Variants in ASTN2 observed in about 807,000 individuals in gnomAD.
The protein encoded by ASTN2 is astrotactin-2.
ASTN2 carries 54 observed loss-of-function variants against 139.8 expected under a neutral mutation model. That is an observed-to-expected ratio of 0.39 (90% CI 0.31 to 0.48). The LOEUF is 0.48. Ranked by LOEUF, ASTN2 falls within the 20% of genes least tolerant of loss-of-function variation. The pLI, the probability that ASTN2 is intolerant of heterozygous loss-of-function variation, is 0.95. For synonymous variants in ASTN2, 756 were observed against 719.5 expected, an observed-to-expected ratio of 1.05 and a Z score of -0.81; for missense variants, 1,565 against 1,725.1, an observed-to-expected ratio of 0.91 and a Z score of 1.64.
chr9:116,680,750 A>C (rs559021578), intron 16 of ASTN2, among the ~76,000 whole-genome samples: 10 of 152,252 alleles, frequency 6.6e-5, no homozygotes, highest in Admixed American at 5.9e-4. Flanking sequence ...AATCCAGCAT[A>C]TAAACAGAAC....
intron 1 of ASTN2, among the ~76,000 whole-genome samples, chr9:117,357,703 A>C (rs1197704927): frequency 6.6e-6 from 1 of 152,146 alleles, no homozygotes; most frequent in Non-Finnish European, 1.5e-5. Context: ...TTGAGTTAAG[A>C]ATGTTATATC....
At chr9:117,033,752 C>A (rs1214690303) in intron 6 of ASTN2, among the ~76,000 whole-genome samples, 1 of 151,986 alleles carries the variant, frequency 6.6e-6, no homozygotes, top group Non-Finnish European at 1.5e-5. Flanking sequence ...GTTTTCATAC[C>A]ACGTCATCTA....
intron 7 of ASTN2, among the ~76,000 whole-genome samples, chr9:116,986,265 T>C (rs1393542234): frequency 6.7e-6 from 1 of 150,260 alleles, no homozygotes; most frequent in Non-Finnish European, 1.5e-5. Flanking sequence ...AGTTCCTCCT[T>C]TTCTCCTCCC....
intron 21 of ASTN2, 86 bp from the exon 22 acceptor site, chr9:116,440,878 GTGGTGAGAAAGTT>G: frequency 7.3e-7 from 1 of 1,376,120 alleles, no homozygotes; most frequent in South Asian, 1.4e-5. Flanking sequence ...GAAAGGCACA[GTGGTGAGAAAGTT>G]TGCTTGCATA....
chr9:117,032,113 A>C (rs1297610132), intron 6 of ASTN2, among the ~76,000 whole-genome samples: 1 of 152,186 alleles, frequency 6.6e-6, no homozygotes, highest in Non-Finnish European at 1.5e-5. Flanking sequence ...TGAAGTCATT[A>C]GAAAGGCACA....
rs564842522 is a variant in ASTN2, at chr9:116,467,835, G to A, written c.3497+19524C>T. On this transcript the variant is annotated intron_variant, in intron 20 of 22. Transcript: ENST00000313400. ...AAATATTCAAGAAATGGTAGGGTAG[G>A]TAGTTGTTATCATTAGCAGGACTGT... Among the ~76,000 whole-genome samples, 26 of 152,320 alleles carry A rather than the reference G, an allele frequency of 1.7e-4. No homozygotes were observed. The South Asian group carries it at 4.6e-3, about 27-fold the overall frequency.
chr9:116,933,990 T>TTTTTTTTTTTTTTTTTTTTTTTTTG (rs1834992444), intron 10 of ASTN2, among the ~76,000 whole-genome samples: 1 of 140,674 alleles, frequency 7.1e-6, no homozygotes, highest in East Asian at 2.2e-4. Flanking sequence ...TTTTTTTTTT[T>TTTTTTTTTTTTTTTTTTTTTTTTTG]TTTTTTTTTT....
chr9:117,323,315 G>T (rs1828396587), intron 1 of ASTN2, among the ~76,000 whole-genome samples: 2 of 151,526 alleles, frequency 1.3e-5, no homozygotes, highest in African/African-American at 4.9e-5. Flanking sequence ...AATATAAACT[G>T]GCATTCCAGG....
chr9:117,301,718 T>A (rs1834879876), intron 1 of ASTN2, among the ~76,000 whole-genome samples: 1 of 152,204 alleles, frequency 6.6e-6, no homozygotes, highest in Non-Finnish European at 1.5e-5. Flanking sequence ...ATCCATTTCA[T>A]CATAGTAAAG....
At chr9:116,661,812 A>C (rs1415698928) in intron 16 of ASTN2, among the ~76,000 whole-genome samples, 1 of 152,170 alleles carries the variant, frequency 6.6e-6, no homozygotes, top group East Asian at 1.9e-4. Flanking sequence ...GAATTGAACA[A>C]TGAGAACACT....
chr9:116,677,550 T>C (rs1308284469), intron 16 of ASTN2, among the ~76,000 whole-genome samples: 1 of 152,150 alleles, frequency 6.6e-6, no homozygotes, highest in South Asian at 2.1e-4. Context: ...TTTGCACACT[T>C]GGATCAGAGA....
At position 117,413,963 on chromosome 9, in the gene ASTN2, G is replaced by A. The variant is rs374177484; in HGVS notation, c.442+534C>T. On this transcript the variant is annotated intron_variant, in intron 1 of 22. Transcript: ENST00000313400. ...GAAGCGACTTGGCCAAGGTCACTCA[G>A]CCCATGCGGAAGCCACGCTTTTGCG... is the stretch of plus-strand genomic sequence containing the variant. Among the ~76,000 whole-genome samples the A allele has an allele frequency of 8.9e-4, 136 of 152,308 alleles. 3 individuals are homozygous for A. In the South Asian group the frequency reaches 0.024, roughly 27 times the overall value.
At chr9:116,463,891 C>A in intron 20 of ASTN2, among the ~76,000 whole-genome samples, 1 of 149,054 alleles carries the variant, frequency 6.7e-6, no homozygotes, top group Admixed American at 6.7e-5. Flanking sequence ...TGCATGCCAC[C>A]ATGAACAGAG....
intron 2 of ASTN2, among the ~76,000 whole-genome samples, chr9:117,214,965 G>A (rs1832265532): frequency 6.6e-6 from 1 of 152,196 alleles, no homozygotes; most frequent in African/African-American, 2.4e-5. Flanking sequence ...ACTTCTCTGA[G>A]CCTTGCTTTC....
intron 16 of ASTN2, among the ~76,000 whole-genome samples, chr9:116,722,385 T>C (rs1036528507): frequency 6.6e-6 from 1 of 152,226 alleles, no homozygotes; most frequent in Non-Finnish European, 1.5e-5. Flanking sequence ...AAACTCCTCA[T>C]GGGAAATATT....
chr9:116,445,059 C>T (rs563489398), intron 20 of ASTN2, among the ~76,000 whole-genome samples: 1 of 152,176 alleles, frequency 6.6e-6, no homozygotes, highest in Non-Finnish European at 1.5e-5. Flanking sequence ...CAAATGCTAG[C>T]ATGCATGACT....
intron 3 of ASTN2, among the ~76,000 whole-genome samples, chr9:117,166,085 T>C (rs189944347): frequency 6.6e-6 from 1 of 152,168 alleles, no homozygotes; most frequent in Non-Finnish European, 1.5e-5. Flanking sequence ...CTTAACTTAG[T>C]TAACTGGTTT....
In ASTN2 at chr9:116,728,997, G is replaced by C. The variant is rs779155154; in HGVS notation, c.2621C>G (p.Ala874Gly). The change falls in exon 15 of 23, where the codon GCA (alanine) becomes GGA (glycine). Residue 874 changes from alanine to glycine, a missense_variant. This residue lies in a region of ASTN2 where 503 missense variants were observed against 591.7 expected (regional missense o/e 0.85). Coordinates refer to ENST00000313400, the MANE Select transcript of ASTN2 (RefSeq NM_001365068.1). Reference sequence around the variant, plus strand: ...GCCCAGGCAGTGGTCCTCACCTGCTGCGAGGGTGATGGTGCTGAGCTTCAC... The same window carrying C: ...GCCCAGGCAGTGGTCCTCACCTGCTCCGAGGGTGATGGTGCTGAGCTTCAC... The part of the protein sequence containing the change: ...YRVKLSTITL[A>G]AGFTNVLKIL... The C allele has an allele frequency of 2.3e-5, 37 of 1,582,010 alleles. No homozygotes were observed. The Middle Eastern group carries it at 5.0e-4, about 21-fold the overall frequency.
intron 16 of ASTN2, among the ~76,000 whole-genome samples, chr9:116,685,218 C>T (rs188929930): frequency 4.1e-4 from 62 of 152,256 alleles, no homozygotes; most frequent in Admixed American, 1.3e-3. Context: ...GTGGCCCCCC[C>T]ACTCAGGAAC....
Sources: gnomAD v4.1 joint callset for allele counts (sites outside exome capture counted in the v4.1 genomes callset) on GRCh38, gnomAD v4.1.1 for gene constraint, gnomAD v4.1.1 regional missense constraint, MANE v1.5 for transcripts, NCBI Gene and HGNC (gene_info 2026-07-23, HGNC 2026-07-21) for gene names.